The following GORASP2 variants were observed in gnomAD, a reference collection of about 807,000 sequenced individuals.
GORASP2 encodes the protein Golgi reassembly-stacking protein 2.
Under a neutral mutation model 45.7 loss-of-function variants are expected in GORASP2, and 22 were observed. That is an observed-to-expected ratio of 0.48 (90% CI 0.34 to 0.69). The LOEUF is 0.69. Among genes scored for constraint, GORASP2 ranks in the 30% least tolerant of loss-of-function variants. The probability of loss-of-function intolerance (pLI) is 0.01; values close to 1 mark genes in which losing one functional copy is unlikely to be tolerated. For missense variants in GORASP2, 491 were observed against 562.7 expected (o/e 0.87, Z 1.29); for synonymous variants, 221 against 215.6 (o/e 1.02, Z -0.22).
chr2:170,954,076 T>G (rs995424706), intron 5 of GORASP2: 1 of 152,378 alleles, frequency 6.6e-6, no homozygotes, highest in East Asian at 1.9e-4. Flanking sequence ...AAAATGCCTC[T>G]GGTGGCAGTG....
In GORASP2 at chr2:170,948,344, C is replaced by A; in HGVS notation, c.64-6C>A. On this transcript the variant is annotated splice_region_variant and splice_polypyrimidine_tract_variant and intron_variant, in intron 1 of 9. Transcript: ENST00000234160. ...TTTTTTATTTTTGTCGTTTTTGTTT[C>A]CGCAGGTACAAGAAAATTCCCCAGG... 1 of 1,552,016 alleles carries A rather than the reference C, an allele frequency of 6.4e-7. No individual in the cohort carries two copies. The highest frequency in any genetic ancestry group is 1.1e-5 in the South Asian group (1 of 87,062).
At chr2:170,941,960 C>T (rs1031983259) in intron 1 of GORASP2, among the ~76,000 whole-genome samples, 1 of 152,124 alleles carries the variant, frequency 6.6e-6, no homozygotes, top group Non-Finnish European at 1.5e-5. Context: ...TGCATTCTAA[C>T]CAGCAGTAAT....
chr2:170,934,318 C>A (rs1263328797), intron 1 of GORASP2, among the ~76,000 whole-genome samples: 1 of 151,292 alleles, frequency 6.6e-6, no homozygotes, highest in African/African-American at 2.4e-5. Flanking sequence ...TTTTGTTGCC[C>A]AGGCTGGAGT....
chr2:170,938,561 T>A (rs1269061758), intron 1 of GORASP2, among the ~76,000 whole-genome samples: 1 of 152,264 alleles, frequency 6.6e-6, no homozygotes, highest in Non-Finnish European at 1.5e-5. Context: ...TTAATTAAAA[T>A]GGCTGAAAGA....
chr2:170,928,586 A>C (rs1174235378), upstream of GORASP2: 3 of 152,332 alleles, frequency 2.0e-5, no homozygotes, highest in African/African-American at 7.2e-5. Flanking sequence ...GAGCAGCAGC[A>C]GGTGGTGGAA....
Position 170,966,107 on chromosome 2 carries a change from G to T in GORASP2, c.1336G>T (p.Ala446Ser). The change falls in exon 10 of 10, where the codon GCC (alanine) becomes TCC (serine). Residue 446 changes from alanine to serine, a missense_variant. Physicochemically the swap from Ala to Ser is moderately conservative, Grantham distance 99. Transcript: ENST00000234160. ...GAAGCCTGTTTCTGCGGCTGTGGATGCCAATGCTTCTGAGTCACCTTAACT... is the reference window on the plus strand; with the variant it reads ...GAAGCCTGTTTCTGCGGCTGTGGATTCCAATGCTTCTGAGTCACCTTAACT... ...SEKPVSAAVD[A>S]NASESP 1 of 1,613,466 alleles carries T rather than the reference G, an allele frequency of 6.2e-7. No homozygotes were observed. The highest frequency in any genetic ancestry group is 8.5e-7 in the Non-Finnish European group (1 of 1,179,380).
chr2:170,934,811 C>T (rs1023918974), intron 1 of GORASP2, among the ~76,000 whole-genome samples: 3 of 151,964 alleles, frequency 2.0e-5, no homozygotes, highest in Non-Finnish European at 4.4e-5. Context: ...AATCTCAGCT[C>T]ACTGCAACCT....
chr2:170,929,678 G>T, intron 1 of GORASP2: 1 of 631,692 alleles, frequency 1.6e-6, no homozygotes, highest in Non-Finnish European at 3.0e-6. Flanking sequence ...CCCTGGGAAG[G>T]GGGGACAACC....
intron 7 of GORASP2, among the ~76,000 whole-genome samples, chr2:170,957,892 C>T (rs556197372): frequency 1.3e-5 from 2 of 152,190 alleles, no homozygotes; most frequent in Non-Finnish European, 2.9e-5. Flanking sequence ...CTCCTGGCCT[C>T]AAGTGATCAT....
At chr2:170,952,453 G>A (rs1467765467) in intron 5 of GORASP2, among the ~76,000 whole-genome samples, 1 of 152,094 alleles carries the variant, frequency 6.6e-6, no homozygotes, top group African/African-American at 2.4e-5. Flanking sequence ...TCCTTCCTCA[G>A]AGGCTGACCA....
intron 1 of GORASP2, among the ~76,000 whole-genome samples, chr2:170,943,261 C>T (rs1704116590): frequency 6.6e-6 from 1 of 152,196 alleles, no homozygotes; most frequent in South Asian, 2.1e-4. Flanking sequence ...TGGTTTGTCT[C>T]TCTTTCCTGC....
intron 1 of GORASP2, among the ~76,000 whole-genome samples, chr2:170,946,043 G>GC (rs998031179): frequency 4.0e-5 from 6 of 151,804 alleles, no homozygotes; most frequent in African/African-American, 1.2e-4. Flanking sequence ...ACAGGGTCTC[G>GC]CCCTGTCCCC....
At chr2:170,962,743 A>T in intron 8 of GORASP2, 96 bp from the exon 9 acceptor site, 1 of 775,492 alleles carries the variant, frequency 1.3e-6, no homozygotes, top group Non-Finnish European at 2.3e-6. Flanking sequence ...TGGTACTGTC[A>T]CTTAGAAGTG....
At chr2:170,965,583 G>A (rs918068980) in intron 9 of GORASP2, among the ~76,000 whole-genome samples, 5 of 152,214 alleles carry the variant, frequency 3.3e-5, no homozygotes, top group Non-Finnish European at 7.3e-5. Flanking sequence ...CCTAGAAGTT[G>A]AGAACCTATT....
At chr2:170,965,160 C>A (rs1226500168) in intron 9 of GORASP2, among the ~76,000 whole-genome samples, 1 of 151,792 alleles carries the variant, frequency 6.6e-6, no homozygotes, top group Non-Finnish European at 1.5e-5. Flanking sequence ...AGCGATCCTC[C>A]CACCTTGGCC....
At chr2:170,937,930 C>G (rs1427758667) in intron 1 of GORASP2, among the ~76,000 whole-genome samples, 2 of 152,184 alleles carry the variant, frequency 1.3e-5, no homozygotes, top group African/African-American at 4.8e-5. Context: ...CTAGTGCCAG[C>G]TCTATCACTT....
rs183668369 is a variant in GORASP2 at position 170,935,731 on chromosome 2, T to C, written c.63+6328T>C. Among the ~76,000 whole-genome samples the C allele has an allele frequency of 2.7e-3, 418 of 152,032 alleles. 5 individuals are homozygous for C. Among genetic ancestry groups the C allele is most frequent in the South Asian group, 5.8e-3 (28 of 4,814 alleles). On this transcript the variant is annotated intron_variant, in intron 1 of 9. Coordinates refer to ENST00000234160, the MANE Select transcript of GORASP2 (RefSeq NM_015530.5). ...CTGGGACTACAGGCACACACCACCATGCCCAGCTAATTTTTTGTATTTTCG... is the reference window on the plus strand; with the variant it reads ...CTGGGACTACAGGCACACACCACCACGCCCAGCTAATTTTTTGTATTTTCG...
intron 7 of GORASP2, among the ~76,000 whole-genome samples, chr2:170,959,764 T>A (rs1203799316): frequency 6.6e-6 from 1 of 152,102 alleles, no homozygotes; most frequent in South Asian, 2.1e-4. Context: ...GAAAAGATTT[T>A]GAAGTGGCAT....
intron 1 of GORASP2, among the ~76,000 whole-genome samples, chr2:170,941,195 C>T (rs754196045): frequency 2.6e-5 from 4 of 152,108 alleles, no homozygotes; most frequent in Non-Finnish European, 5.9e-5. Flanking sequence ...TTGAACCTTA[C>T]AACTGCCAGT....
Sources: allele counts gnomAD v4.1 joint callset (sites outside exome capture counted in the v4.1 genomes callset), GRCh38; gene constraint gnomAD v4.1.1; transcripts MANE v1.5; gene names NCBI Gene and HGNC (gene_info 2026-07-23, HGNC 2026-07-21).